DCAF6: variants seen among roughly 807,000 people sequenced by gnomAD.
The protein encoded by DCAF6 is DDB1 and CUL4 associated factor 6.
DCAF6 carries 54 observed loss-of-function variants against 125.1 expected under a neutral mutation model. That is an observed-to-expected ratio of 0.43 (90% CI 0.35 to 0.54). DCAF6 has a LOEUF of 0.54. Among genes scored for constraint, DCAF6 ranks in the 20% least tolerant of loss-of-function variants. The pLI is 0.01. For missense variants in DCAF6, 934 were observed against 1,161.7 expected (o/e 0.80, Z 2.85); for synonymous variants, 371 against 390.4 (o/e 0.95, Z 0.58).
the DCAF6 span, among the ~76,000 whole-genome samples, chr1:167,906,327 A>T: frequency 6.6e-6 from 1 of 152,128 alleles, no homozygotes; most frequent in African/African-American, 2.4e-5. Context: ...CTCAAATGTT[A>T]AGAAGTGAAC....
chr1:168,016,101 A>G (rs1206351504), intron 11 of DCAF6, 150 bp downstream of exon 11: 2 of 544,042 alleles, frequency 3.7e-6, no homozygotes, highest in African/African-American at 2.0e-5. Flanking sequence ...GTGGTATTCA[A>G]CATCACGTGT....
At chr1:168,021,437 C>A (rs1207356340) in intron 11 of DCAF6, among the ~76,000 whole-genome samples, 1 of 151,996 alleles carries the variant, frequency 6.6e-6, no homozygotes, top group East Asian at 1.9e-4. Context: ...ACCAATTTAT[C>A]TGTTCTTTAA....
At chr1:168,019,632 C>T in intron 11 of DCAF6, 2 of 364,030 alleles carry the variant, frequency 5.5e-6, no homozygotes, top group South Asian at 1.9e-5. Context: ...ACCACAGAGC[C>T]CCACTGGAGC....
chr1:167,973,758 C>CT (rs1553218190), intron 3 of DCAF6, among the ~76,000 whole-genome samples: 2 of 113,314 alleles, frequency 1.8e-5, no homozygotes, highest in African/African-American at 8.9e-5. Flanking sequence ...CCCCACTCAC[C>CT]TCTCTATTGT....
At position 168,066,063 on chromosome 1, in the gene DCAF6, A is replaced by G. The variant is rs137968136; in HGVS notation, c.2597-314A>G. Among the ~76,000 whole-genome samples, 56 of 152,332 alleles carry G rather than the reference A, an allele frequency of 3.7e-4. No homozygotes were observed. The East Asian group carries it at 0.011, about 29-fold the overall frequency. On this transcript the variant is annotated intron_variant, in intron 19 of 21. Coordinates refer to ENST00000367840, the MANE Select transcript of DCAF6 (RefSeq NM_001198956.2). ...ACATCCAGTCATTTTTAGTCTTCAC[A>G]TAGCTGAATTAATTTATCAGAACAA...
At chr1:167,904,685 G>C in the DCAF6 span, 1 of 591,626 alleles carries the variant, frequency 1.7e-6, no homozygotes, top group East Asian at 2.8e-5. Flanking sequence ...ATTTTGACTG[G>C]GATGTGTATG....
chr1:167,902,848 AG>A, the DCAF6 span, among the ~76,000 whole-genome samples: 1 of 152,266 alleles, frequency 6.6e-6, no homozygotes, highest in African/African-American at 2.4e-5. Flanking sequence ...TAAGTGCTTC[AG>A]CATCCATCAT....
chr1:168,031,191 A>G (rs954006155), intron 12 of DCAF6, among the ~76,000 whole-genome samples: 14 of 151,522 alleles, frequency 9.2e-5, no homozygotes. Context: ...GAAAGTAGAA[A>G]GAAGAGGACA....
chr1:167,949,125 TA>T (rs1267231420), intron 1 of DCAF6, among the ~76,000 whole-genome samples: 2 of 152,258 alleles, frequency 1.3e-5, no homozygotes, highest in African/African-American at 4.8e-5. Flanking sequence ...ATGGAGTTTA[TA>T]ACCTATTAAT....
rs554861802 is a variant in DCAF6, at chr1:168,055,331, G to GTTTT, written c.2300+4424_2300+4427dup. On this transcript the variant is annotated intron_variant, in intron 17 of 21. Transcript: ENST00000367840. Reference sequence around the variant, plus strand: ...TTGAATTGAAAAAAATCAGGCTTAAGTTTTTTTTTTTTTTTTTTTTTTTTT... The same window carrying GTTTT: ...TTGAATTGAAAAAAATCAGGCTTAAGTTTTTTTTTTTTTTTTTTTTTTTTTTTTT... 1.1e-3 allele frequency among the ~76,000 whole-genome samples: 34 copies of GTTTT among 31,622 alleles called. 1 individual carries two copies. The highest frequency in any genetic ancestry group is 5.0e-3 in the South Asian group (5 of 992). 20.7% of individuals were successfully genotyped at this position (31,622 alleles called of 152,430 possible). A position where few individuals can be genotyped will look rare whatever the true frequency, so the allele number is the denominator to read the frequency against.
Position 168,029,436 on chromosome 1 carries a change from A to C in DCAF6, c.1609+6389A>C, listed in dbSNP as rs148222549. On this transcript the variant is annotated intron_variant, in intron 12 of 21. Coordinates refer to ENST00000367840, the MANE Select transcript of DCAF6 (RefSeq NM_001198956.2). ...AATGCCTACCTACCTTGTGGCAAGTACTGGGATAGGTACTAGGGTGCATGA... is the reference window on the plus strand; with the variant it reads ...AATGCCTACCTACCTTGTGGCAAGTCCTGGGATAGGTACTAGGGTGCATGA... Among the ~76,000 whole-genome samples the C allele has an allele frequency of 3.9e-3, 600 of 152,320 alleles. 11 individuals carry two copies. The highest frequency in any genetic ancestry group is 0.014 in the African/African-American group (577 of 41,576).
At chr1:167,871,953 T>A in the DCAF6 span, among the ~76,000 whole-genome samples, 11 of 152,238 alleles carry the variant, frequency 7.2e-5, no homozygotes, top group African/African-American at 2.7e-4. Context: ...CACACCAACA[T>A]GGCACATGTA....
At chr1:168,050,784 T>C (rs1361481538) in intron 16 of DCAF6, 108 bp from the exon 17 acceptor site, 5 of 581,976 alleles carry the variant, frequency 8.6e-6, no homozygotes, top group Non-Finnish European at 1.3e-5. Flanking sequence ...CAAAAGTTTT[T>C]TTTTAAATTG....
intron 4 of DCAF6, among the ~76,000 whole-genome samples, chr1:167,984,464 A>G (rs989252889): frequency 6.6e-6 from 1 of 152,190 alleles, no homozygotes; most frequent in South Asian, 2.1e-4. Flanking sequence ...TCTAGTTTTT[A>G]AAAATAAATA....
At chr1:168,027,480 C>T (rs1214628298) in intron 12 of DCAF6, among the ~76,000 whole-genome samples, 1 of 152,102 alleles carries the variant, frequency 6.6e-6, no homozygotes, top group Non-Finnish European at 1.5e-5. Flanking sequence ...GAATATATCT[C>T]TGACTAATGA....
intron 1 of DCAF6, among the ~76,000 whole-genome samples, chr1:167,942,355 C>T (rs143392091): frequency 2.3e-3 from 354 of 152,254 alleles, no homozygotes; most frequent in Non-Finnish European, 3.4e-3. Flanking sequence ...TGAGCCGCTG[C>T]GCCTGGCCTT....
At chr1:167,899,804 AG>A in the DCAF6 span, among the ~76,000 whole-genome samples, 1 of 152,150 alleles carries the variant, frequency 6.6e-6, no homozygotes, top group African/African-American at 2.4e-5. Context: ...GGCCTTCCAA[AG>A]CTCCCCTTCT....
At chr1:167,920,396 C>A in the DCAF6 span, 1 of 834,340 alleles carries the variant, frequency 1.2e-6, no homozygotes, top group South Asian at 2.0e-5. Context: ...ACTCCTCCAT[C>A]CATAACTTAA....
Position 168,035,804 on chromosome 1 carries a change from T to C in DCAF6, c.1610-2567T>C, listed in dbSNP as rs1399853123. Reference sequence around the variant, plus strand: ...TAGGCCGGGCATGGTGGCTCATGCCTGTAATCCCAGCACTTTGGGAGGCCG... The same window carrying C: ...TAGGCCGGGCATGGTGGCTCATGCCCGTAATCCCAGCACTTTGGGAGGCCG... On this transcript the variant is annotated intron_variant, in intron 12 of 21. Transcript: ENST00000367840. Among the ~76,000 whole-genome samples the C allele has an allele frequency of 2.0e-5, 3 of 152,196 alleles. No homozygotes were observed. The East Asian group carries it at 5.8e-4, about 29-fold the overall frequency.
Sources: gnomAD v4.1 joint callset for allele counts (sites outside exome capture counted in the v4.1 genomes callset) on GRCh38, gnomAD v4.1.1 for gene constraint, MANE v1.5 for transcripts, NCBI Gene and HGNC (gene_info 2026-07-23, HGNC 2026-07-21) for gene names.